The following LRRC4C variants were observed in gnomAD, a reference collection of about 807,000 sequenced individuals.
The protein encoded by LRRC4C is leucine-rich repeat-containing protein 4C.
In LRRC4C, 5 loss-of-function variants were observed where a neutral mutation model predicts 33.6. The ratio of observed to expected loss-of-function variants is 0.15; its 90% CI spans 0.08 to 0.31. The LOEUF is 0.31. LRRC4C is among the 10% of genes least tolerant of loss of function. The probability of loss-of-function intolerance (pLI) is 1.00; values close to 1 mark genes in which losing one functional copy is unlikely to be tolerated. For synonymous variants in LRRC4C, 329 were observed against 302.0 expected, an observed-to-expected ratio of 1.09 and a Z score of -0.93; for missense variants, 560 against 796.7, an observed-to-expected ratio of 0.70 and a Z score of 3.58.
intron 2 of LRRC4C, among the ~76,000 whole-genome samples, chr11:40,865,259 TATG>T (rs1317968805): frequency 1.3e-5 from 2 of 152,072 alleles, no homozygotes; most frequent in Non-Finnish European, 1.5e-5. Flanking sequence ...GTATAACGGT[TATG>T]ATAATGGTTA....
intron 1 of LRRC4C, among the ~76,000 whole-genome samples, chr11:41,433,836 C>G (rs2017064): frequency 6.6e-6 from 1 of 151,002 alleles, no homozygotes; most frequent in Non-Finnish European, 1.5e-5. Context: ...CATATATATG[C>G]GTATATATAT....
chr11:40,781,261 CT>C (rs551131837), intron 2 of LRRC4C, among the ~76,000 whole-genome samples: 65 of 152,112 alleles, frequency 4.3e-4, no homozygotes, highest in Non-Finnish European at 7.2e-4. Context: ...TATATGCAGT[CT>C]GTCATTGACC....
chr11:40,477,630 C>T (rs992488216), intron 3 of LRRC4C, among the ~76,000 whole-genome samples: 2 of 151,856 alleles, frequency 1.3e-5, no homozygotes, highest in Non-Finnish European at 2.9e-5. Flanking sequence ...CTTATATTGA[C>T]TACCACTTAA....
At chr11:40,405,276 A>T (rs1949918323) in intron 3 of LRRC4C, among the ~76,000 whole-genome samples, 1 of 151,966 alleles carries the variant, frequency 6.6e-6, no homozygotes, top group Non-Finnish European at 1.5e-5. Context: ...ATCCTCCTTA[A>T]GGCTGAAGGC....
intron 3 of LRRC4C, among the ~76,000 whole-genome samples, chr11:40,396,060 G>T (rs1405683095): frequency 6.6e-6 from 1 of 151,950 alleles, no homozygotes; most frequent in Non-Finnish European, 1.5e-5. Context: ...TCCTATATAG[G>T]GCCCAGGGAT....
At chr11:41,106,830 A>C (rs1473563623) in intron 1 of LRRC4C, among the ~76,000 whole-genome samples, 1 of 151,928 alleles carries the variant, frequency 6.6e-6, no homozygotes, top group Non-Finnish European at 1.5e-5. Context: ...AGCCTGAGCA[A>C]GATGGCGAGA....
intron 3 of LRRC4C, among the ~76,000 whole-genome samples, chr11:40,448,167 C>T (rs1951725268): frequency 6.6e-6 from 1 of 152,050 alleles, no homozygotes; most frequent in Non-Finnish European, 1.5e-5. Context: ...CAAGGCCCTG[C>T]CTGATTGGAA....
At chr11:40,782,853 T>C (rs193247217) in intron 2 of LRRC4C, among the ~76,000 whole-genome samples, 2 of 152,302 alleles carry the variant, frequency 1.3e-5, no homozygotes, top group East Asian at 3.9e-4. Flanking sequence ...TGTATACAGA[T>C]GTACACACAT....
intron 4 of LRRC4C, among the ~76,000 whole-genome samples, chr11:40,267,029 A>G (rs1942324829): frequency 7.2e-6 from 1 of 138,336 alleles, no homozygotes; most frequent in Non-Finnish European, 1.5e-5. Flanking sequence ...TTCATCCTAA[A>G]CCTTCCCTTT....
At chr11:41,369,414 G>C (rs549063902) in intron 1 of LRRC4C, among the ~76,000 whole-genome samples, 322 of 151,964 alleles carry the variant, frequency 2.1e-3, no homozygotes, top group Non-Finnish European at 3.5e-3. Context: ...AGGGAAAGAG[G>C]ATCAGAAAAA....
chr11:40,895,572 T>C (rs1221664339), intron 2 of LRRC4C, among the ~76,000 whole-genome samples: 1 of 152,158 alleles, frequency 6.6e-6, no homozygotes, highest in Non-Finnish European at 1.5e-5. Context: ...TACTTGAGTC[T>C]TCTGTTTTAA....
intron 1 of LRRC4C, among the ~76,000 whole-genome samples, chr11:41,049,112 A>C (rs764094095): frequency 6.6e-6 from 1 of 152,194 alleles, no homozygotes; most frequent in Non-Finnish European, 1.5e-5. Flanking sequence ...CCCAAATCTC[A>C]TCTTGAGTTG....
intron 3 of LRRC4C, among the ~76,000 whole-genome samples, chr11:40,320,201 C>T (rs543661407): frequency 1.3e-5 from 2 of 152,170 alleles, no homozygotes; most frequent in East Asian, 3.9e-4. Context: ...ATAGCTGAAA[C>T]TGACATTAAA....
intron 3 of LRRC4C, among the ~76,000 whole-genome samples, chr11:40,437,854 C>T (rs1263261821): frequency 6.6e-6 from 1 of 152,164 alleles, no homozygotes; most frequent in African/African-American, 2.4e-5. Flanking sequence ...ACTACAGGCA[C>T]ATGCCACCAC....
chr11:40,136,567 C>T (rs544016255), intron 6 of LRRC4C, among the ~76,000 whole-genome samples: 17 of 152,032 alleles, frequency 1.1e-4, no homozygotes, highest in Non-Finnish European at 1.6e-4. Flanking sequence ...TGAGCCACCA[C>T]GCCCGGCCCA....
chr11:40,185,789 G>A (rs1861356382), intron 5 of LRRC4C, among the ~76,000 whole-genome samples: 1 of 152,118 alleles, frequency 6.6e-6, no homozygotes, highest in East Asian at 1.9e-4. Flanking sequence ...TCTTGCATGA[G>A]GATGGGAGGA....
chr11:40,794,958 C>A (rs1950767282), intron 2 of LRRC4C, among the ~76,000 whole-genome samples: 1 of 152,182 alleles, frequency 6.6e-6, no homozygotes, highest in South Asian at 2.1e-4. Context: ...TGGCAAATTT[C>A]CTTCCCTCTT....
intron 1 of LRRC4C, among the ~76,000 whole-genome samples, chr11:41,084,312 ATTAC>A (rs771811302): frequency 6.6e-6 from 1 of 152,148 alleles, no homozygotes; most frequent in African/African-American, 2.4e-5. Context: ...TCTTGGGCAA[ATTAC>A]TTAATCTCTC....
rs1369035355 is a variant in LRRC4C at position 40,444,316 on chromosome 11, CA to C, written c.-269-124596del. 1.1e-4 allele frequency among the ~76,000 whole-genome samples: 14 copies of C among 123,750 alleles called. No homozygotes were observed. In the Admixed American group the frequency reaches 1.2e-3, roughly 10 times the overall value. The allele number at this position is 123,750 out of a possible 152,430, so 81.2% of individuals were successfully genotyped here. ...CTGTTTCTTCTAATCTCTGCCTTAA[CA>C]TTTTTTTTAATTTATTTTATTTATT... On this transcript the variant is annotated intron_variant, in intron 3 of 6. Coordinates refer to ENST00000528697, the MANE Select transcript of LRRC4C (RefSeq NM_001258419.2).
Sources: gnomAD v4.1 joint callset for allele counts (sites outside exome capture counted in the v4.1 genomes callset) on GRCh38, gnomAD v4.1.1 for gene constraint, MANE v1.5 for transcripts, NCBI Gene and HGNC (gene_info 2026-07-23, HGNC 2026-07-21) for gene names.